RPL37A: variants seen among roughly 807,000 people sequenced by gnomAD.
RPL37A encodes ribosomal protein L37a.
Under a neutral mutation model 13.6 loss-of-function variants are expected in RPL37A, and 5 were observed. The observed-to-expected ratio is 0.37, with a 90% CI of 0.19 to 0.78. RPL37A has a LOEUF of 0.78. Ranked by LOEUF, RPL37A falls within the 30% of genes least tolerant of loss-of-function variation. The pLI, the probability that RPL37A is intolerant of heterozygous loss-of-function variation, is 0.49. For synonymous variants in RPL37A, 50 were observed against 44.4 expected, an observed-to-expected ratio of 1.13 and a Z score of -0.50; for missense variants, 77 against 120.0, an observed-to-expected ratio of 0.64 and a Z score of 1.67.
chr2:216,499,029 G>T, intron 1 of RPL37A, 152 bp downstream of exon 1: 18 of 1,289,650 alleles, frequency 1.4e-5, no homozygotes, highest in Non-Finnish European at 2.0e-5. Context: ...AGCTCCCCAA[G>T]GCGGAGGGGC....
At chr2:216,499,750 T>C in intron 2 of RPL37A, 199 bp from the exon 3 acceptor site, 2 of 704,478 alleles carry the variant, frequency 2.8e-6, no homozygotes, top group South Asian at 3.0e-5. Context: ...CTACTTGTTC[T>C]GCGAGGGATT....
chr2:216,501,172 T>G, intron 3 of RPL37A, 169 bp from the exon 4 acceptor site: 1 of 554,826 alleles, frequency 1.8e-6, no homozygotes, highest in Non-Finnish European at 3.2e-6. Flanking sequence ...GTTGGTTAGA[T>G]CTTTGGATTG....
chr2:216,502,941 A>C lies in RPL37A; in HGVS notation c.*1537A>C, dbSNP rs912849327. The C allele has an allele frequency of 3.9e-5, 6 of 152,210 alleles. No individual in the cohort carries two copies. The highest frequency in any genetic ancestry group is 1.4e-4 in the African/African-American group (6 of 41,448). 9.4% of individuals were successfully genotyped at this position (152,210 alleles called of 1,614,324 possible). A position where few individuals can be genotyped will look rare whatever the true frequency, so the allele number is the denominator to read the frequency against. ...GTCAGGCATTTGCTAGATCCATAGC[A>C]GTAACTCATCTGTGGATCTCATTTG... On this transcript the variant is annotated 3_prime_UTR_variant, in exon 4 of 4. Coordinates refer to ENST00000491306, the MANE Select transcript of RPL37A (RefSeq NM_000998.5).
chr2:216,500,145 T>C (rs1304693755), intron 3 of RPL37A, 114 bp downstream of exon 3: 3 of 750,908 alleles, frequency 4.0e-6, no homozygotes, highest in African/African-American at 1.7e-5. Flanking sequence ...AGAATAAGGA[T>C]GCCTTTGTAT....
At chr2:216,498,907 C>A (rs752605264) in intron 1 of RPL37A, 30 bp downstream of exon 1, 3 of 1,613,874 alleles carry the variant, frequency 1.9e-6, no homozygotes, top group Non-Finnish European at 2.5e-6. Flanking sequence ...CGGCCTAGAA[C>A]TCTATCTGCC....
intron 3 of RPL37A, 111 bp from the exon 4 acceptor site, chr2:216,501,230 C>G (rs1695595168): frequency 1.3e-6 from 1 of 772,360 alleles, no homozygotes; most frequent in Non-Finnish European, 2.2e-6. Context: ...ATAATTCTTT[C>G]TAGGAAAATT....
chr2:216,500,063 G>T (rs368482384), intron 3 of RPL37A, 32 bp downstream of exon 3: 1 of 1,572,834 alleles, frequency 6.4e-7, no homozygotes, highest in Non-Finnish European at 8.7e-7. Context: ...ATTTGGAAGT[G>T]TGTGGACCAC....
chr2:216,499,667 A>G, intron 2 of RPL37A: 1 of 631,740 alleles, frequency 1.6e-6, no homozygotes, highest in East Asian at 2.8e-5. Flanking sequence ...GCTTTGTGGG[A>G]AATGATTCCA....
intron 1 of RPL37A, 149 bp downstream of exon 1, chr2:216,499,026 C>A: frequency 7.6e-7 from 1 of 1,320,120 alleles, no homozygotes; most frequent in Non-Finnish European, 1.1e-6. Flanking sequence ...GGAAGCTCCC[C>A]AAGGCGGAGG....
Position 216,502,792 on chromosome 2 carries a change from C to T in RPL37A, c.*1388C>T, listed in dbSNP as rs1453325156. On this transcript the variant is annotated 3_prime_UTR_variant, in exon 4 of 4. Coordinates refer to ENST00000491306, the MANE Select transcript of RPL37A (RefSeq NM_000998.5). Reference sequence around the variant, plus strand: ...AAAACCTTTATTTCACTTGGTCTGACCCCTATCTTCTATAACTTGTTTTTT... The same window carrying T: ...AAAACCTTTATTTCACTTGGTCTGATCCCTATCTTCTATAACTTGTTTTTT... The T allele has an allele frequency of 1.3e-5, 2 of 152,184 alleles. No individual in the cohort carries two copies. The highest frequency in any genetic ancestry group is 4.8e-5 in the African/African-American group (2 of 41,438). 9.4% of individuals were successfully genotyped at this position (152,184 alleles called of 1,614,324 possible).
At chr2:216,499,441 GTTTCTTACCCAAGT>G in intron 2 of RPL37A, 43 bp downstream of exon 2, 2 of 1,607,020 alleles carry the variant, frequency 1.2e-6, no homozygotes, top group Non-Finnish European at 1.7e-6. Flanking sequence ...GGGAGGGCAG[GTTTCTTACCCAAGT>G]GAGGCCTGAC....
Position 216,503,975 on chromosome 2 carries a change from C to T in RPL37A, c.*2571C>T, listed in dbSNP as rs2106112377. On this transcript the variant is annotated 3_prime_UTR_variant, in exon 4 of 4. Coordinates refer to ENST00000491306, the MANE Select transcript of RPL37A (RefSeq NM_000998.5). ...GCCCACCTTCGTTTTGTTATTTAAGCAACTTCATCCCCTGGCTTGTTTTCA... is the reference window on the plus strand; with the variant it reads ...GCCCACCTTCGTTTTGTTATTTAAGTAACTTCATCCCCTGGCTTGTTTTCA... The T allele has an allele frequency of 6.6e-6, 1 of 152,316 alleles. No homozygotes were observed. Among genetic ancestry groups the T allele is most frequent in the East Asian group, 1.9e-4 (1 of 5,194 alleles). 9.4% of individuals were successfully genotyped at this position (152,316 alleles called of 1,614,324 possible). A position where few individuals can be genotyped will look rare whatever the true frequency, so the allele number is the denominator to read the frequency against.
intron 3 of RPL37A, chr2:216,500,233 A>T: frequency 1.7e-6 from 1 of 596,876 alleles, no homozygotes; most frequent in African/African-American, 1.9e-5. Flanking sequence ...GAAGTCGGAA[A>T]TCTAATTCAC....
At position 216,498,864 on chromosome 2, in the gene RPL37A, G is replaced by C. The variant is rs746470310; in HGVS notation, c.-11G>C. ...TCTTCCTTTCTGGGCTCGGACCTAG[G>C]TCGCGGCGACATGGTGAGTGTGGGT... On this transcript the variant is annotated 5_prime_UTR_variant, in exon 1 of 4. Coordinates refer to ENST00000491306, the MANE Select transcript of RPL37A (RefSeq NM_000998.5). 6.2e-7 allele frequency: 1 copy of C among 1,614,124 alleles called. No homozygotes were observed.
At chr2:216,501,208 GTCTA>G in intron 3 of RPL37A, 129 bp from the exon 4 acceptor site, 1 of 651,170 alleles carries the variant, frequency 1.5e-6, no homozygotes, top group East Asian at 2.8e-5. Context: ...TGGTAGAGCA[GTCTA>G]TCTCAGTATA....
rs1479682015 is a variant in RPL37A, at chr2:216,504,055, A to T, written c.*2651A>T. 6.6e-6 allele frequency: 1 copy of T among 152,156 alleles called. No individual in the cohort carries two copies. Among genetic ancestry groups the T allele is most frequent in the Non-Finnish European group, 1.5e-5 (1 of 68,026 alleles). The allele number at this position is 152,156 out of a possible 1,614,324, so 9.4% of individuals were successfully genotyped here. A position where few individuals can be genotyped will look rare whatever the true frequency, so the allele number is the denominator to read the frequency against. Reference sequence around the variant, plus strand: ...TCATCTAATTGAACATTGTGTTGTGATATAAAAAGTAAGTTAGGCTTGTGT... The same window carrying T: ...TCATCTAATTGAACATTGTGTTGTGTTATAAAAAGTAAGTTAGGCTTGTGT... On this transcript the variant is annotated 3_prime_UTR_variant, in exon 4 of 4. Transcript: ENST00000491306.
At chr2:216,500,142 G>A (rs1347783953) in intron 3 of RPL37A, 111 bp downstream of exon 3, 2 of 767,782 alleles carry the variant, frequency 2.6e-6, no homozygotes, top group Non-Finnish European at 2.3e-6. Flanking sequence ...GAGAGAATAA[G>A]GATGCCTTTG....
rs1574497820 is a variant in RPL37A at position 216,501,022 on chromosome 2, TA to T, written c.216-318del. On this transcript the variant is annotated intron_variant, in intron 3 of 3. Coordinates refer to ENST00000491306, the MANE Select transcript of RPL37A (RefSeq NM_000998.5). Reference sequence around the variant, plus strand: ...CTTGCTTGTCCACAACTGAGTTACTTATAAAAAAAAAAGCAACTCTGGTTGA... The same window carrying T: ...CTTGCTTGTCCACAACTGAGTTACTTTAAAAAAAAAAGCAACTCTGGTTGA... 1.3e-4 allele frequency: 27 copies of T among 210,990 alleles called. No homozygotes were observed. In the East Asian group the frequency reaches 1.3e-3, roughly 10 times the overall value. The allele number at this position is 210,990 out of a possible 1,614,324, so 13.1% of individuals were successfully genotyped here. A position where few individuals can be genotyped will look rare whatever the true frequency, so the allele number is the denominator to read the frequency against.
chr2:216,502,873 C>T lies in RPL37A; in HGVS notation c.*1469C>T, dbSNP rs2106111656. 1 of 152,348 alleles carries T rather than the reference C, an allele frequency of 6.6e-6. No individual in the cohort carries two copies. The highest frequency in any genetic ancestry group is 2.1e-4 in the South Asian group (1 of 4,826). The allele number at this position is 152,348 out of a possible 1,614,324, so 9.4% of individuals were successfully genotyped here. A position where few individuals can be genotyped will look rare whatever the true frequency, so the allele number is the denominator to read the frequency against. The stretch of plus-strand genomic sequence containing the variant: ...CCCTTCACCTGTACCTCCTGCATTG[C>T]CTCTGGCAGAAACATCGCTACCCCA... On this transcript the variant is annotated 3_prime_UTR_variant, in exon 4 of 4. Coordinates refer to ENST00000491306, the MANE Select transcript of RPL37A (RefSeq NM_000998.5).
Sources: gnomAD v4.1 joint callset for allele counts on GRCh38, gnomAD v4.1.1 for gene constraint, MANE v1.5 for transcripts, NCBI Gene and HGNC (gene_info 2026-07-23, HGNC 2026-07-21) for gene names.